The following NSUN6 variants were observed in gnomAD, a reference collection of about 807,000 sequenced individuals.
NSUN6 encodes tRNA (cytosine(72)-C(5))-methyltransferase NSUN6.
In NSUN6, 64 loss-of-function variants were observed where a neutral mutation model predicts 58.0. That is an observed-to-expected ratio of 1.10 (90% CI 0.90 to 1.36). The LOEUF (loss-of-function observed/expected upper bound fraction) is 1.36, where lower values mean the gene tolerates loss of function less well. Ranked by LOEUF, NSUN6 falls within the 40% of genes most tolerant of loss-of-function variation. NSUN6 has a pLI of 0.00. For missense variants in NSUN6, 701 were observed against 550.1 expected, an observed-to-expected ratio of 1.27 and a Z score of -2.74; for synonymous variants, 231 against 193.9, an observed-to-expected ratio of 1.19 and a Z score of -1.59.
chr10:18,636,060 C>T (rs1452643961), intron 3 of NSUN6, among the ~76,000 whole-genome samples: 1 of 151,422 alleles, frequency 6.6e-6, no homozygotes, highest in African/African-American at 2.4e-5. Flanking sequence ...AAAACAATGT[C>T]TACAAAATGC....
In NSUN6 at chr10:18,630,243, A is replaced by G. The variant is rs553161651; in HGVS notation, c.311+12233T>C. Among the ~76,000 whole-genome samples the G allele has an allele frequency of 1.5e-3, 227 of 150,200 alleles. 2 individuals are homozygous for G. The highest frequency in any genetic ancestry group is 1.8e-3 in the South Asian group (8 of 4,550). ...CACAACATACCAGAATCTCTGGGACACATTCAAAGCAGTATGTAGAGGGAA... is the reference window on the plus strand; with the variant it reads ...CACAACATACCAGAATCTCTGGGACGCATTCAAAGCAGTATGTAGAGGGAA... On this transcript the variant is annotated intron_variant, in intron 3 of 10. Coordinates refer to ENST00000377304, the MANE Select transcript of NSUN6 (RefSeq NM_182543.5).
intron 10 of NSUN6, among the ~76,000 whole-genome samples, chr10:18,547,667 A>ATCCAGAAATACTTTTT (rs1382375061): frequency 2.0e-5 from 3 of 152,184 alleles, no homozygotes; most frequent in Non-Finnish European, 4.4e-5. Flanking sequence ...ATAAGCAATA[A>ATCCAGAAATACTTTTT]TCCAGAAATA....
intron 8 of NSUN6, among the ~76,000 whole-genome samples, chr10:18,556,298 C>A (rs199556742): frequency 2.8e-5 from 2 of 70,204 alleles, no homozygotes; most frequent in Non-Finnish European, 3.1e-5. Flanking sequence ...ATGGAATGCA[C>A]AGTGGAATGC....
chr10:18,581,819 C>T (rs569610336), intron 8 of NSUN6, among the ~76,000 whole-genome samples: 1 of 149,124 alleles, frequency 6.7e-6, no homozygotes. Flanking sequence ...AGTGAGATTC[C>T]ATCTCAAAAA....
upstream of NSUN6, chr10:18,652,282 A>T: frequency 1.0e-6 from 1 of 984,926 alleles, no homozygotes; most frequent in Non-Finnish European, 1.2e-6. Context: ...AGGATATCTA[A>T]CCAAACTCAC....
At position 18,551,291 on chromosome 10, in the gene NSUN6, T is replaced by TGTGTGTGTGTGTGG. The variant is rs1230236829; in HGVS notation, c.1071+531_1071+532insCCACACACACACAC. The stretch of plus-strand genomic sequence containing the variant: ...GTGTGTGTGTGTGTGTGTGTGTGTG[T>TGTGTGTGTGTGTGG]GGTAAAATATAAATAACATAAAATT... On this transcript the variant is annotated intron_variant, in intron 9 of 10. Coordinates refer to ENST00000377304, the MANE Select transcript of NSUN6 (RefSeq NM_182543.5). Among the ~76,000 whole-genome samples, 19 of 148,890 alleles carry TGTGTGTGTGTGTGG rather than the reference T, an allele frequency of 1.3e-4. 1 individual carries two copies. Among genetic ancestry groups the TGTGTGTGTGTGTGG allele is most frequent in the African/African-American group, 4.0e-4 (16 of 40,058 alleles).
At chr10:18,594,955 C>CAAG in intron 7 of NSUN6, among the ~76,000 whole-genome samples, 1 of 152,288 alleles carries the variant, frequency 6.6e-6, no homozygotes, top group East Asian at 1.9e-4. Flanking sequence ...GTTGGACTTG[C>CAAG]TCTGCTTTGC....
intron 7 of NSUN6, among the ~76,000 whole-genome samples, chr10:18,587,620 T>G (rs985197741): frequency 7.9e-5 from 12 of 151,938 alleles, no homozygotes; most frequent in South Asian, 2.1e-4. Flanking sequence ...GGTTAGGCAG[T>G]GGGTGCAACG....
At chr10:18,626,574 C>G (rs149020660) in intron 3 of NSUN6, among the ~76,000 whole-genome samples, 2,106 of 152,184 alleles carry the variant, frequency 0.014, 48 homozygotes, top group African/African-American at 0.048. Context: ...TCGAGACCAA[C>G]CTGGCCAACA....
chr10:18,599,711 C>T lies in NSUN6; in HGVS notation c.658-3384G>A, dbSNP rs78469921. On this transcript the variant is annotated intron_variant, in intron 6 of 10. Transcript: ENST00000377304. ...GGCCGCCATAGGTGGTAGGGCCAGG[C>T]AGGAGTATTTATTGAATGCTCCCTA... Among the ~76,000 whole-genome samples, 649 of 152,212 alleles carry T rather than the reference C, an allele frequency of 4.3e-3. 6 individuals carry two copies. The highest frequency in any genetic ancestry group is 0.015 in the African/African-American group (617 of 41,534).
At chr10:18,605,880 T>C (rs536670689) in intron 6 of NSUN6, among the ~76,000 whole-genome samples, 1 of 152,118 alleles carries the variant, frequency 6.6e-6, no homozygotes, top group African/African-American at 2.4e-5. Context: ...TGGAAGCACA[T>C]GAGAGACAAA....
chr10:18,600,745 T>A (rs893487422), intron 6 of NSUN6, among the ~76,000 whole-genome samples: 5 of 151,302 alleles, frequency 3.3e-5, no homozygotes, highest in African/African-American at 7.3e-5. Context: ...CTGGCCAATA[T>A]GGTGAAACCC....
chr10:18,560,453 T>C (rs2055407103), intron 8 of NSUN6, among the ~76,000 whole-genome samples: 1 of 147,518 alleles, frequency 6.8e-6, no homozygotes, highest in African/African-American at 2.5e-5. Flanking sequence ...TAGAATGGCA[T>C]GCACTGGTGA....
At chr10:18,630,712 T>G (rs916627958) in intron 3 of NSUN6, among the ~76,000 whole-genome samples, 4 of 152,118 alleles carry the variant, frequency 2.6e-5, no homozygotes, top group African/African-American at 9.7e-5. Flanking sequence ...CAGGAAGAAG[T>G]TGAATCTCTG....
At chr10:18,623,820 C>A (rs2058693257) in intron 3 of NSUN6, among the ~76,000 whole-genome samples, 1 of 152,150 alleles carries the variant, frequency 6.6e-6, no homozygotes, top group South Asian at 2.1e-4. Context: ...TGAGCTAAAG[C>A]CTTCACAGAG....
intron 3 of NSUN6, among the ~76,000 whole-genome samples, chr10:18,638,575 C>T (rs1351696145): frequency 6.6e-6 from 1 of 152,108 alleles, no homozygotes; most frequent in Non-Finnish European, 1.5e-5. Context: ...GGTACTGTTA[C>T]AAGGAGGAAA....
chr10:18,644,156 A>G (rs1474822175), intron 2 of NSUN6, among the ~76,000 whole-genome samples: 1 of 152,254 alleles, frequency 6.6e-6, no homozygotes, highest in Non-Finnish European at 1.5e-5. Flanking sequence ...GCTCACTGGC[A>G]GTCAATCCCT....
At position 18,616,303 on chromosome 10, in the gene NSUN6, T is replaced by C; in HGVS notation, c.312-10A>G. ...TTTTTTAATATTCTTTCTAGAAATGTAAGACACAAGAAGTTTAATAGTAAC... is the reference window on the plus strand; with the variant it reads ...TTTTTTAATATTCTTTCTAGAAATGCAAGACACAAGAAGTTTAATAGTAAC... On this transcript the variant is annotated splice_polypyrimidine_tract_variant and intron_variant, in intron 3 of 10. Coordinates refer to ENST00000377304, the MANE Select transcript of NSUN6 (RefSeq NM_182543.5). 6.5e-7 allele frequency: 1 copy of C among 1,545,326 alleles called. No homozygotes were observed. The highest frequency in any genetic ancestry group is 8.9e-7 in the Non-Finnish European group (1 of 1,118,012).
intron 8 of NSUN6, among the ~76,000 whole-genome samples, chr10:18,552,866 C>T (rs10828906): frequency 0.73 from 109,922 of 150,610 alleles, 40,651 homozygotes; most frequent in East Asian, 0.97. Flanking sequence ...ATTCCACATA[C>T]CATTCCATTC....
Sources: allele counts gnomAD v4.1 joint callset (sites outside exome capture counted in the v4.1 genomes callset), GRCh38; gene constraint gnomAD v4.1.1; transcripts MANE v1.5; gene names NCBI Gene and HGNC (gene_info 2026-07-23, HGNC 2026-07-21).